Variants in KLF8 observed in about 807,000 individuals in gnomAD.
The protein encoded by KLF8 is KLF transcription factor 8.
KLF8 carries 10 observed loss-of-function variants against 18.2 expected under a neutral mutation model. That is an observed-to-expected ratio of 0.55 (90% confidence interval 0.34 to 0.93). KLF8 has a LOEUF of 0.93. Among genes scored for constraint, KLF8 ranks in the 40% least tolerant of loss-of-function variants. The probability of loss-of-function intolerance (pLI) is 0.02; values close to 1 mark genes in which losing one functional copy is unlikely to be tolerated. For missense variants in KLF8, 264 were observed against 277.9 expected (o/e 0.95, Z 0.36); for synonymous variants, 109 against 97.3 (o/e 1.12, Z -0.71).
the KLF8 span, among the ~76,000 whole-genome samples, chrX:56,090,601 C>A: frequency 1.8e-5 from 2 of 111,309 alleles, no homozygotes; most frequent in South Asian, 7.6e-4. Context: ...ACCTGTTGGC[C>A]ATAGTATGTC....
At chrX:55,919,877 T>C in the KLF8 span, among the ~76,000 whole-genome samples, 1 of 111,943 alleles carries the variant, frequency 8.9e-6, no homozygotes, top group African/African-American at 3.2e-5. Flanking sequence ...CAGGTGTCTC[T>C]AGGGCAAGTT....
the KLF8 span, among the ~76,000 whole-genome samples, chrX:56,156,855 T>C: frequency 1.7e-4 from 18 of 106,904 alleles, no homozygotes; most frequent in Non-Finnish European, 3.1e-4. Context: ...CTGAGAATGA[T>C]GGTTTTGAGC....
At chrX:56,233,864 G>A (rs2147552762) in intron 1 of KLF8, among the ~76,000 whole-genome samples, 1 of 111,626 alleles carries the variant, frequency 9.0e-6, no homozygotes, top group African/African-American at 3.3e-5. Context: ...CGGGGGAGGA[G>A]CTGCTTTGGG....
chrX:56,178,695 T>C, the KLF8 span, among the ~76,000 whole-genome samples: 1 of 112,460 alleles, frequency 8.9e-6, no homozygotes, highest in East Asian at 2.8e-4. Context: ...TTCAGCTTTC[T>C]ACATATGGCT....
chrX:56,051,765 A>G, the KLF8 span, among the ~76,000 whole-genome samples: 2 of 106,940 alleles, frequency 1.9e-5, no homozygotes, highest in African/African-American at 7.4e-5. Context: ...GCTCTTCTCG[A>G]GGAGTATCTT....
chrX:56,089,893 T>C, the KLF8 span, among the ~76,000 whole-genome samples: 2 of 112,142 alleles, frequency 1.8e-5, no homozygotes, highest in Admixed American at 1.9e-4. Flanking sequence ...TTCTGGCAAG[T>C]GGAAGGGAAA....
At chrX:55,910,976 A>G in the KLF8 span, among the ~76,000 whole-genome samples, 1 of 111,979 alleles carries the variant, frequency 8.9e-6, no homozygotes, top group East Asian at 2.8e-4. Flanking sequence ...AAATCCATAT[A>G]TAACTTCTGA....
chrX:56,204,130 T>A, the KLF8 span, among the ~76,000 whole-genome samples: 1 of 111,579 alleles, frequency 9.0e-6, no homozygotes, highest in East Asian at 2.8e-4. Flanking sequence ...TATAATAGAG[T>A]TTTCCCACTT....
intron 1 of KLF8, among the ~76,000 whole-genome samples, chrX:56,244,556 A>C (rs2066596801): frequency 8.9e-6 from 1 of 112,165 alleles, no homozygotes; most frequent in Non-Finnish European, 1.9e-5. Flanking sequence ...TTAAATGAAG[A>C]TATCTATAGA....
the KLF8 span, among the ~76,000 whole-genome samples, chrX:55,933,428 T>C: frequency 8.9e-6 from 1 of 112,138 alleles, no homozygotes; most frequent in East Asian, 2.8e-4. Flanking sequence ...CTCTGCTTTT[T>C]ATGGCCCAAA....
the KLF8 span, among the ~76,000 whole-genome samples, chrX:56,150,975 A>G: frequency 8.9e-5 from 10 of 111,901 alleles, no homozygotes; most frequent in Admixed American, 6.7e-4. Context: ...TTGACTTCTA[A>G]AGGATTAGTA....
At chrX:56,074,192 C>A in the KLF8 span, among the ~76,000 whole-genome samples, 32 of 112,142 alleles carry the variant, frequency 2.9e-4, no homozygotes, top group African/African-American at 9.0e-4. Context: ...AATATTACAG[C>A]CTTATCAGAT....
chrX:56,050,968 T>A, the KLF8 span, among the ~76,000 whole-genome samples: 1 of 109,844 alleles, frequency 9.1e-6, no homozygotes, highest in East Asian at 2.8e-4. Context: ...TGGGTGCATA[T>A]ATATTTAGGA....
At chrX:55,984,194 C>A in the KLF8 span, among the ~76,000 whole-genome samples, 1 of 109,576 alleles carries the variant, frequency 9.1e-6, no homozygotes, top group African/African-American at 3.3e-5. Flanking sequence ...TAAACGTGTG[C>A]CAGGGTGGTT....
the KLF8 span, among the ~76,000 whole-genome samples, chrX:56,220,258 TTAGTC>T: frequency 8.9e-6 from 1 of 111,832 alleles, no homozygotes; most frequent in Admixed American, 9.5e-5. Flanking sequence ...ATCATTGCTA[TTAGTC>T]CTCAGAATAG....
chrX:56,233,725 G>T (rs975476281), intron 1 of KLF8, among the ~76,000 whole-genome samples: 1 of 112,023 alleles, frequency 8.9e-6, no homozygotes, highest in Non-Finnish European at 1.9e-5. Context: ...CAAGGCCAAA[G>T]CTCCCAGGTA....
the KLF8 span, among the ~76,000 whole-genome samples, chrX:56,165,360 A>G: frequency 8.9e-6 from 1 of 112,314 alleles, no homozygotes; most frequent in Non-Finnish European, 1.9e-5. Context: ...GACAAGTAGT[A>G]ATTTCTTAAA....
the KLF8 span, among the ~76,000 whole-genome samples, chrX:55,958,197 G>A: frequency 1.8e-5 from 2 of 112,134 alleles, no homozygotes; most frequent in Admixed American, 9.5e-5. Flanking sequence ...GAACAGACAT[G>A]CAGTATGAAT....
chrX:56,021,711 G>T, the KLF8 span, among the ~76,000 whole-genome samples: 1 of 110,228 alleles, frequency 9.1e-6, no homozygotes, highest in Non-Finnish European at 1.9e-5. Flanking sequence ...TAATTTCTGT[G>T]AGTAGTTTTT....
Sources: allele counts gnomAD v4.1 joint callset (sites outside exome capture counted in the v4.1 genomes callset), GRCh38; gene constraint gnomAD v4.1.1; transcripts MANE v1.5; gene names NCBI Gene and HGNC (gene_info 2026-07-23, HGNC 2026-07-21).